Variants in PDE4B observed in about 807,000 individuals in gnomAD.
The protein encoded by PDE4B is phosphodiesterase 4B.
A neutral mutation model predicts 82.2 loss-of-function variants in PDE4B; 20 were observed. The observed-to-expected ratio is 0.24, with a 90% confidence interval of 0.17 to 0.35. The LOEUF (loss-of-function observed/expected upper bound fraction) is 0.35. PDE4B is among the 10% of genes least tolerant of loss of function. PDE4B has a pLI of 1.00. For missense variants in PDE4B, 655 were observed against 907.2 expected, an observed-to-expected ratio of 0.72 and a Z score of 3.57; for synonymous variants, 320 against 318.9, an observed-to-expected ratio of 1.00 and a Z score of -0.04.
chr1:66,235,839 C>A (rs1205957975), intron 3 of PDE4B, among the ~76,000 whole-genome samples: 2 of 152,150 alleles, frequency 1.3e-5, no homozygotes, highest in Non-Finnish European at 2.9e-5. Flanking sequence ...CAGAATCGGG[C>A]AGCCCTCAGA....
intron 3 of PDE4B, among the ~76,000 whole-genome samples, chr1:66,049,612 T>C (rs538651770): frequency 6.6e-6 from 1 of 152,134 alleles, no homozygotes; most frequent in African/African-American, 2.4e-5. Flanking sequence ...TTAAAATTAG[T>C]ATGCTGACAT....
At chr1:65,933,475 T>C (rs950911851) in intron 3 of PDE4B, among the ~76,000 whole-genome samples, 1 of 152,064 alleles carries the variant, frequency 6.6e-6, no homozygotes, top group Non-Finnish European at 1.5e-5. Context: ...GGCGGATCAC[T>C]TGAGGTCAGG....
At chr1:66,045,030 T>C (rs773229299) in intron 3 of PDE4B, among the ~76,000 whole-genome samples, 2 of 151,716 alleles carry the variant, frequency 1.3e-5, no homozygotes, top group Non-Finnish European at 3.0e-5. Context: ...AACCAGCCAC[T>C]ATATGTATCT....
intron 7 of PDE4B, among the ~76,000 whole-genome samples, chr1:66,326,864 G>A (rs1228207416): frequency 6.6e-6 from 1 of 152,182 alleles, no homozygotes; most frequent in Non-Finnish European, 1.5e-5. Flanking sequence ...TTTCTCAACT[G>A]TATTACAAGC....
chr1:66,352,197 T>G (rs1211222483), intron 8 of PDE4B, among the ~76,000 whole-genome samples: 1 of 152,174 alleles, frequency 6.6e-6, no homozygotes, highest in Non-Finnish European at 1.5e-5. Flanking sequence ...TCCATTTGCA[T>G]ACTTCGCCAT....
At chr1:66,087,977 C>T (rs1644926045) in intron 3 of PDE4B, among the ~76,000 whole-genome samples, 1 of 151,514 alleles carries the variant, frequency 6.6e-6, no homozygotes, top group African/African-American at 2.4e-5. Flanking sequence ...GTGTAACTAA[C>T]CTGCACATTG....
intron 1 of PDE4B, among the ~76,000 whole-genome samples, chr1:65,820,098 A>G (rs950444261): frequency 1.3e-5 from 2 of 152,208 alleles, no homozygotes; most frequent in African/African-American, 4.8e-5. Flanking sequence ...TAGAAGTAAT[A>G]GCAACAGTAT....
Position 66,067,443 on chromosome 1 carries a change from C to G in PDE4B, c.281+148608C>G, listed in dbSNP as rs137903155. Among the ~76,000 whole-genome samples, 1,332 of 152,022 alleles carry G rather than the reference C, an allele frequency of 8.8e-3. 19 individuals carry two copies. Among genetic ancestry groups the G allele is most frequent in the African/African-American group, 0.03 (1,247 of 41,512 alleles). On this transcript the variant is annotated intron_variant, in intron 3 of 16. Transcript: ENST00000341517. ...TTTGCATTCTCTGATGGCCAGTGAT[C>G]ATGAGCATTTTTTCATGTGTCTTTT... is the stretch of plus-strand genomic sequence containing the variant.
chr1:66,154,641 G>C (rs1374508505), intron 3 of PDE4B, among the ~76,000 whole-genome samples: 4 of 152,148 alleles, frequency 2.6e-5, no homozygotes, highest in Non-Finnish European at 5.9e-5. Flanking sequence ...TTTTCCAGAA[G>C]CATTTTGTCA....
intron 3 of PDE4B, among the ~76,000 whole-genome samples, chr1:66,149,774 T>C (rs921444134): frequency 6.6e-6 from 1 of 152,032 alleles, no homozygotes; most frequent in African/African-American, 2.4e-5. Flanking sequence ...CATCCCTTGA[T>C]CCCAGGAGTT....
At chr1:66,261,603 A>G (rs895745985) in intron 6 of PDE4B, among the ~76,000 whole-genome samples, 1 of 152,198 alleles carries the variant, frequency 6.6e-6, no homozygotes, top group African/African-American at 2.4e-5. Flanking sequence ...TATACTTCTC[A>G]TAAGTCAAGA....
chr1:65,868,063 TTTC>T (rs898059766), intron 1 of PDE4B, among the ~76,000 whole-genome samples: 1 of 152,200 alleles, frequency 6.6e-6, no homozygotes, highest in Non-Finnish European at 1.5e-5. Flanking sequence ...TTGCTATCCT[TTTC>T]TTAGTTCTCA....
intron 1 of PDE4B, among the ~76,000 whole-genome samples, chr1:65,793,836 G>C (rs1645601948): frequency 6.6e-6 from 1 of 152,212 alleles, no homozygotes; most frequent in Non-Finnish European, 1.5e-5. Context: ...GGGGAAGGAA[G>C]AGGCTCTCCT....
chr1:66,333,134 G>A (rs550524837), intron 8 of PDE4B, among the ~76,000 whole-genome samples: 3 of 152,264 alleles, frequency 2.0e-5, no homozygotes, highest in East Asian at 1.9e-4. Context: ...TTTCTTTTGC[G>A]ATGCTGGCAT....
At chr1:66,371,079 TACAC>T (rs1225883684) in intron 16 of PDE4B, among the ~76,000 whole-genome samples, 2 of 96,662 alleles carry the variant, frequency 2.1e-5, no homozygotes, top group East Asian at 5.5e-4. Flanking sequence ...TATATATATA[TACAC>T]ACACATCATA....
intron 13 of PDE4B, 195 bp from the exon 14 acceptor site, chr1:66,367,501 G>A (rs1663335279): frequency 5.9e-6 from 3 of 511,012 alleles, no homozygotes; most frequent in South Asian, 3.0e-5. Context: ...TTATACACCA[G>A]TAGAAGCATT....
At chr1:66,003,233 C>G (rs529794837) in intron 3 of PDE4B, among the ~76,000 whole-genome samples, 2 of 152,138 alleles carry the variant, frequency 1.3e-5, no homozygotes, top group East Asian at 3.9e-4. Flanking sequence ...TAATCATATC[C>G]TAATGAACCA....
At chr1:66,033,788 C>CTTTCTTTTT (rs5774788) in intron 3 of PDE4B, among the ~76,000 whole-genome samples, 29 of 146,300 alleles carry the variant, frequency 2.0e-4, no homozygotes, top group Admixed American at 4.7e-4. Flanking sequence ...TTCTTTCTTT[C>CTTTCTTTTT]TTTTTTGTAA....
At chr1:66,353,175 A>G (rs1164659933) in intron 8 of PDE4B, among the ~76,000 whole-genome samples, 6 of 152,240 alleles carry the variant, frequency 3.9e-5, no homozygotes, top group Non-Finnish European at 8.8e-5. Flanking sequence ...GGGATTCAAA[A>G]TTGCACAGAG....
Sources: allele counts gnomAD v4.1 joint callset (sites outside exome capture counted in the v4.1 genomes callset), GRCh38; gene constraint gnomAD v4.1.1; transcripts MANE v1.5; gene names NCBI Gene and HGNC (gene_info 2026-07-23, HGNC 2026-07-21).